The following TENM4 variants were observed in gnomAD, a reference collection of about 807,000 sequenced individuals.
TENM4 encodes the protein teneurin-4.
In TENM4, 82 loss-of-function variants were observed where a neutral mutation model predicts 243.3. The ratio of observed to expected loss-of-function variants is 0.34; its 90% CI spans 0.28 to 0.40. TENM4 has a LOEUF of 0.40. Ranked by LOEUF, TENM4 falls within the 10% of genes least tolerant of loss-of-function variation. The probability of loss-of-function intolerance (pLI) is 1.00; values close to 1 mark genes in which losing one functional copy is unlikely to be tolerated. For synonymous variants in TENM4, 1,412 were observed against 1,456.3 expected, an observed-to-expected ratio of 0.97 and a Z score of 0.69; for missense variants, 3,138 against 3,673.3, an observed-to-expected ratio of 0.85 and a Z score of 3.77.
chr11:79,227,364 C>G (rs1864290308), intron 2 of TENM4, among the ~76,000 whole-genome samples: 1 of 152,170 alleles, frequency 6.6e-6, no homozygotes, highest in East Asian at 1.9e-4. Context: ...TTGACCAGTT[C>G]TTTACATTAA....
chr11:79,418,147 T>G (rs1190133101), intron 1 of TENM4, among the ~76,000 whole-genome samples: 3 of 137,720 alleles, frequency 2.2e-5, no homozygotes, highest in Non-Finnish European at 3.2e-5. Context: ...ATATATTATA[T>G]ATGATACAAA....
intron 2 of TENM4, among the ~76,000 whole-genome samples, chr11:79,253,806 A>G (rs1009595017): frequency 6.6e-6 from 1 of 152,210 alleles, no homozygotes; most frequent in African/African-American, 2.4e-5. Context: ...ATCGATGATG[A>G]ACTTCTTTTG....
chr11:78,812,983 T>C (rs924092127), intron 13 of TENM4, among the ~76,000 whole-genome samples: 2 of 152,180 alleles, frequency 1.3e-5, no homozygotes. Flanking sequence ...CTTATCAAGA[T>C]CCAATAAGGC....
chr11:79,044,932 A>AC (rs1434064162), intron 6 of TENM4, among the ~76,000 whole-genome samples: 1 of 152,186 alleles, frequency 6.6e-6, no homozygotes, highest in African/African-American at 2.4e-5. Flanking sequence ...AAGTATGTTT[A>AC]TTATAGAAAA....
At chr11:78,717,651 A>G (rs1334564005) in intron 25 of TENM4, among the ~76,000 whole-genome samples, 1 of 152,218 alleles carries the variant, frequency 6.6e-6, no homozygotes, top group Non-Finnish European at 1.5e-5. Flanking sequence ...TAAAATACCC[A>G]ATAAATGGCA....
chr11:78,931,762 C>A (rs751894704), intron 6 of TENM4, among the ~76,000 whole-genome samples: 1 of 152,182 alleles, frequency 6.6e-6, no homozygotes, highest in African/African-American at 2.4e-5. Flanking sequence ...TCCACCGGGG[C>A]TAGGTGTGAA....
chr11:79,295,680 T>G (rs1856437820), intron 2 of TENM4, among the ~76,000 whole-genome samples: 1 of 152,032 alleles, frequency 6.6e-6, no homozygotes, highest in African/African-American at 2.4e-5. Context: ...GGAAAAGGCT[T>G]TGGAGAGACC....
intron 15 of TENM4, among the ~76,000 whole-genome samples, chr11:78,794,975 T>C (rs76575597): frequency 1.4e-3 from 211 of 152,258 alleles, no homozygotes; most frequent in Non-Finnish European, 2.5e-3. Context: ...AAACAGTCAA[T>C]GTAAGGGGGC....
intron 9 of TENM4, among the ~76,000 whole-genome samples, chr11:78,872,745 A>T (rs533326638): frequency 3.9e-5 from 6 of 152,342 alleles, no homozygotes; most frequent in Non-Finnish European, 8.8e-5. Flanking sequence ...CCATTTCCAT[A>T]GCTACAAGAA....
chr11:79,179,005 A>T (rs1279072201), intron 3 of TENM4, among the ~76,000 whole-genome samples: 2 of 152,228 alleles, frequency 1.3e-5, no homozygotes, highest in African/African-American at 4.8e-5. Context: ...CCTTATTTAC[A>T]AAAGACTCCA....
intron 17 of TENM4, among the ~76,000 whole-genome samples, chr11:78,776,151 G>A (rs1856735172): frequency 6.6e-6 from 1 of 151,902 alleles, no homozygotes; most frequent in Non-Finnish European, 1.5e-5. Context: ...GTTCTCAATG[G>A]TCCCCCCTCA....
intron 6 of TENM4, among the ~76,000 whole-genome samples, chr11:78,916,786 A>G (rs1321358215): frequency 6.6e-6 from 1 of 152,190 alleles, no homozygotes; most frequent in Non-Finnish European, 1.5e-5. Flanking sequence ...ATGATGGGAT[A>G]TTTCAGGCCC....
At chr11:79,370,923 T>C (rs1474644357) in intron 1 of TENM4, among the ~76,000 whole-genome samples, 9 of 151,590 alleles carry the variant, frequency 5.9e-5, no homozygotes, top group African/African-American at 1.7e-4. Flanking sequence ...GTATTTATAA[T>C]ACACTAGGAA....
intron 9 of TENM4, among the ~76,000 whole-genome samples, chr11:78,880,241 G>A (rs2136269929): frequency 6.6e-6 from 1 of 152,274 alleles, no homozygotes. Context: ...TTGTTAAACA[G>A]ATGCTTGAAG....
intron 19 of TENM4, among the ~76,000 whole-genome samples, chr11:78,751,950 G>A (rs1292614600): frequency 6.6e-6 from 1 of 152,194 alleles, no homozygotes; most frequent in Admixed American, 6.5e-5. Context: ...GGAGGGACAA[G>A]TATTCCACTA....
intron 7 of TENM4, among the ~76,000 whole-genome samples, chr11:78,895,923 G>A (rs796947152): frequency 2.0e-5 from 3 of 152,184 alleles, no homozygotes; most frequent in South Asian, 2.1e-4. Flanking sequence ...GTGGTGGGCT[G>A]TTCTTAAAGA....
chr11:78,953,692 T>C (rs993891229), intron 6 of TENM4, among the ~76,000 whole-genome samples: 1 of 152,176 alleles, frequency 6.6e-6, no homozygotes, highest in Non-Finnish European at 1.5e-5. Flanking sequence ...ATAGAGATGA[T>C]TAAATTATAC....
intron 4 of TENM4, among the ~76,000 whole-genome samples, chr11:79,120,897 T>C (rs1406925187): frequency 1.3e-5 from 2 of 152,184 alleles, no homozygotes; most frequent in African/African-American, 4.8e-5. Context: ...AGCAAATCTA[T>C]GAGATAGACA....
chr11:79,131,669 A>T (rs936298064), intron 4 of TENM4, among the ~76,000 whole-genome samples: 1 of 152,224 alleles, frequency 6.6e-6, no homozygotes, highest in African/African-American at 2.4e-5. Flanking sequence ...AAATAGCACG[A>T]TGAATGCAAT....
Sources: gnomAD v4.1 joint callset for allele counts (sites outside exome capture counted in the v4.1 genomes callset) on GRCh38, gnomAD v4.1.1 for gene constraint, MANE v1.5 for transcripts, NCBI Gene and HGNC (gene_info 2026-07-23, HGNC 2026-07-21) for gene names.